AGBL4: variants seen among roughly 807,000 people sequenced by gnomAD.
AGBL4 encodes the protein AGBL carboxypeptidase 4, also known as cytosolic carboxypeptidase 6.
A neutral mutation model predicts 66.4 loss-of-function variants in AGBL4; 58 were observed. That is an observed-to-expected ratio of 0.87 (90% CI 0.71 to 1.09). The LOEUF (loss-of-function observed/expected upper bound fraction) is 1.09. Among genes scored for constraint, AGBL4 ranks in the 50% least tolerant of loss-of-function variants. AGBL4 has a pLI of 0.00. For synonymous variants in AGBL4, 234 were observed against 222.9 expected (o/e 1.05, Z -0.44); for missense variants, 579 against 631.0 (o/e 0.92, Z 0.88).
At chr1:50,002,616 G>A (rs1025262432) in intron 1 of AGBL4, among the ~76,000 whole-genome samples, 67 of 151,832 alleles carry the variant, frequency 4.4e-4, no homozygotes, top group Non-Finnish European at 8.8e-4. Context: ...TGATCCGCCC[G>A]CCTCGGCCTC....
chr1:49,584,744 T>C (rs1395206873), intron 3 of AGBL4, among the ~76,000 whole-genome samples: 1 of 152,222 alleles, frequency 6.6e-6, no homozygotes, highest in Admixed American at 6.5e-5. Flanking sequence ...ATTTAAGTTT[T>C]GTAGCTTCAG....
At chr1:49,290,213 C>T (rs965831663) in intron 3 of AGBL4, among the ~76,000 whole-genome samples, 3 of 152,112 alleles carry the variant, frequency 2.0e-5, no homozygotes, top group South Asian at 2.1e-4. Flanking sequence ...CTATAACAAC[C>T]TCTCTTATAA....
intron 1 of AGBL4, among the ~76,000 whole-genome samples, chr1:49,907,835 T>C (rs564876721): frequency 1.3e-5 from 2 of 152,072 alleles, no homozygotes; most frequent in Non-Finnish European, 2.9e-5. Flanking sequence ...TGTAGGTTCA[T>C]TGACACAACA....
chr1:48,887,686 C>T (rs1008559325), intron 5 of AGBL4, among the ~76,000 whole-genome samples: 3 of 152,164 alleles, frequency 2.0e-5, no homozygotes, highest in Non-Finnish European at 4.4e-5. Flanking sequence ...TGATGTCCTA[C>T]TTTGCTTTTC....
At chr1:49,460,616 T>C (rs1220452533) in intron 3 of AGBL4, among the ~76,000 whole-genome samples, 1 of 151,686 alleles carries the variant, frequency 6.6e-6, no homozygotes, top group Non-Finnish European at 1.5e-5. Flanking sequence ...AGATGTGAGG[T>C]GCTATTCTAT....
At chr1:49,174,845 C>T (rs1229790247) in intron 4 of AGBL4, 3 of 151,678 alleles carry the variant, frequency 2.0e-5, no homozygotes, top group Non-Finnish European at 2.9e-5. Context: ...GAAAAAAAAA[C>T]ACTGCCATCT....
chr1:49,928,192 G>C (rs1437435405), intron 1 of AGBL4, among the ~76,000 whole-genome samples: 1 of 152,170 alleles, frequency 6.6e-6, no homozygotes. Flanking sequence ...AAGTATCATT[G>C]AGCTGTGGGA....
chr1:49,803,864 T>C (rs1483095642), intron 2 of AGBL4, among the ~76,000 whole-genome samples: 1 of 152,206 alleles, frequency 6.6e-6, no homozygotes, highest in Admixed American at 6.5e-5. Flanking sequence ...ATTTGGTTAT[T>C]AACACTTCTG....
intron 4 of AGBL4, among the ~76,000 whole-genome samples, chr1:49,236,080 A>G (rs1221971089): frequency 6.6e-6 from 1 of 151,914 alleles, no homozygotes; most frequent in Non-Finnish European, 1.5e-5. Context: ...CCCAGGCTGG[A>G]GTGCAGTGGC....
chr1:49,487,577 G>A (rs1202721335), intron 3 of AGBL4, among the ~76,000 whole-genome samples: 1 of 151,840 alleles, frequency 6.6e-6, no homozygotes, highest in Non-Finnish European at 1.5e-5. Context: ...CTGCTGCCCT[G>A]TGAAGAAGGT....
At chr1:49,667,056 C>T (rs1247616612) in intron 3 of AGBL4, among the ~76,000 whole-genome samples, 1 of 152,160 alleles carries the variant, frequency 6.6e-6, no homozygotes, top group African/African-American at 2.4e-5. Context: ...TTACCTATAA[C>T]TATCAAAACA....
chr1:49,811,341 G>A (rs938486131), intron 2 of AGBL4, among the ~76,000 whole-genome samples: 12 of 151,976 alleles, frequency 7.9e-5, no homozygotes, highest in East Asian at 1.9e-4. Context: ...TATTTATAGC[G>A]CTTAATTGAG....
intron 1 of AGBL4, among the ~76,000 whole-genome samples, chr1:49,990,518 G>A (rs1659859172): frequency 1.3e-5 from 2 of 152,192 alleles, no homozygotes; most frequent in Non-Finnish European, 2.9e-5. Context: ...GCAAAACTGT[G>A]AGTCAATCAA....
At chr1:50,017,626 G>T (rs1233836299) in intron 1 of AGBL4, 1 of 152,092 alleles carries the variant, frequency 6.6e-6, no homozygotes, top group Admixed American at 6.6e-5. Context: ...GGGAATTAAC[G>T]CAGGAACAGA....
intron 4 of AGBL4, among the ~76,000 whole-genome samples, chr1:49,091,900 G>A (rs1268377378): frequency 6.6e-6 from 1 of 152,048 alleles, no homozygotes; most frequent in Non-Finnish European, 1.5e-5. Flanking sequence ...GGAGCTGGAG[G>A]CCATTATCGA....
chr1:49,114,847 T>C (rs1645483522), intron 4 of AGBL4, among the ~76,000 whole-genome samples: 1 of 152,082 alleles, frequency 6.6e-6, no homozygotes, highest in Middle Eastern at 3.2e-3. Flanking sequence ...ATGGTCATGG[T>C]TTGTAGCACC....
intron 4 of AGBL4, among the ~76,000 whole-genome samples, chr1:49,093,891 C>T (rs534266892): frequency 6.6e-6 from 1 of 152,166 alleles, no homozygotes; most frequent in Non-Finnish European, 1.5e-5. Context: ...CTTACCACTT[C>T]ATAAGGTAGC....
chr1:48,587,431 G>A (rs1644840493), intron 10 of AGBL4, among the ~76,000 whole-genome samples: 1 of 151,878 alleles, frequency 6.6e-6, no homozygotes, highest in Non-Finnish European at 1.5e-5. Flanking sequence ...AAAGCAGACA[G>A]AGGAAAAAGA....
intron 1 of AGBL4, among the ~76,000 whole-genome samples, chr1:49,993,727 G>A (rs1447218277): frequency 6.6e-6 from 1 of 152,040 alleles, no homozygotes; most frequent in African/African-American, 2.4e-5. Flanking sequence ...CTTCTTACAT[G>A]AGACCAGCAG....
Sources: gnomAD v4.1 joint callset for allele counts (sites outside exome capture counted in the v4.1 genomes callset) on GRCh38, gnomAD v4.1.1 for gene constraint, MANE v1.5 for transcripts, NCBI Gene and HGNC (gene_info 2026-07-23, HGNC 2026-07-21) for gene names.